KCP: variants seen among roughly 807,000 people sequenced by gnomAD.
KCP encodes kielin cysteine rich BMP regulator, also known as kielin/chordin-like protein.
Under a neutral mutation model 212.7 loss-of-function variants are expected in KCP, and 194 were observed. The ratio of observed to expected loss-of-function variants is 0.91; its 90% CI spans 0.81 to 1.03. KCP has a LOEUF of 1.03. Ranked by LOEUF, KCP falls within the 50% of genes least tolerant of loss-of-function variation. KCP has a pLI of 0.00. For synonymous variants in KCP, 833 were observed against 865.3 expected (o/e 0.96, Z 0.65); for missense variants, 2,080 against 2,162.5 (o/e 0.96, Z 0.76).
At chr7:128,878,495 C>T in intron 38 of KCP, 63 bp downstream of exon 38, 2 of 1,488,216 alleles carry the variant, frequency 1.3e-6, no homozygotes, top group South Asian at 1.3e-5. Flanking sequence ...CAGAGGGTTG[C>T]TCTGAGACTC....
intron 28 of KCP, 89 bp from the exon 29 acceptor site, chr7:128,884,211 G>T: frequency 6.9e-7 from 1 of 1,447,716 alleles, no homozygotes; most frequent in Non-Finnish European, 9.1e-7. Context: ...CCCTCTGCCT[G>T]CTGCAGCCTC....
intron 1 of KCP, among the ~76,000 whole-genome samples, chr7:128,909,760 C>T (rs1461575253): frequency 6.6e-6 from 1 of 152,172 alleles, no homozygotes; most frequent in Admixed American, 6.5e-5. Flanking sequence ...TTTCCAGCCC[C>T]GCTACTTCTG....
At chr7:128,884,564 G>A (rs1417536321) in intron 28 of KCP, among the ~76,000 whole-genome samples, 3 of 152,252 alleles carry the variant, frequency 2.0e-5, no homozygotes, top group South Asian at 2.1e-4. Flanking sequence ...GGCCACCTAC[G>A]GCCTCCTGCA....
rs373584216 is a variant in KCP at position 128,893,497 on chromosome 7, G to C, written c.1100-21C>G. The C allele has an allele frequency of 4.6e-6, 7 of 1,510,094 alleles. No homozygotes were observed. The South Asian group carries it at 4.8e-5, about 10-fold the overall frequency. The allele number at this position is 1,510,094 out of a possible 1,614,324, so 93.5% of individuals were successfully genotyped here. A position where few individuals can be genotyped will look rare whatever the true frequency, so the allele number is the denominator to read the frequency against. On this transcript the variant is annotated intron_variant, in intron 11 of 39. Transcript: ENST00000610776. ...ACAGCCTGGATGGGATGACAGGGGC[G>C]TGGGGGTATAGGGCTGGAGGCAGAG...
Position 128,889,920 on chromosome 7 carries a change from CTTTTTTTTTTT to C in KCP, c.2335+412_2335+422del, listed in dbSNP as rs35633844. 1.0e-2 allele frequency: 992 copies of C among 99,598 alleles called. 11 individuals carry two copies. Among genetic ancestry groups the C allele is most frequent in the South Asian group, 0.036 (117 of 3,288 alleles). The allele number at this position is 99,598 out of a possible 1,614,324, so 6.2% of individuals were successfully genotyped here. On this transcript the variant is annotated intron_variant, in intron 21 of 39. Transcript: ENST00000610776. Reference sequence around the variant, plus strand: ...AGAAGATCCAGGCTTTAGTGTCAGGCTTTTTTTTTTTTTTTTTTTTTTTTTTGAGACAAGGT... The same window carrying C: ...AGAAGATCCAGGCTTTAGTGTCAGGCTTTTTTTTTTTTTTTGAGACAAGGT...
rs1328660794 is a variant in KCP, at chr7:128,907,333, A to C, written c.340T>G (p.Cys114Gly). 1.3e-6 allele frequency: 2 copies of C among 1,543,076 alleles called. No homozygotes were observed. The highest frequency in any genetic ancestry group is 1.4e-5 in the African/African-American group (1 of 73,000). Residue 114 changes from cysteine (C) to glycine (G), a missense_variant, in exon 3 of 40, where the codon TGC becomes GGC. Physicochemically the swap from Cys to Gly is radical, Grantham distance 159. Coordinates refer to ENST00000610776, the MANE Select transcript of KCP (RefSeq NM_001366122.1). ...PEGARWEPDA[C>G]TACVCQDGAA... ...CCATCCTGGCAGACGCAGGCTGTGC[A>C]GGCGTCAGGCTCCCAGCGTGCCCCC...
intron 30 of KCP, 92 bp from the exon 31 acceptor site, chr7:128,881,817 G>A (rs1207166675): frequency 7.3e-7 from 1 of 1,378,468 alleles, no homozygotes; most frequent in Non-Finnish European, 1.0e-6. Context: ...GTCAGGACAA[G>A]TGGGCAAATG....
At chr7:128,888,280 T>TCA (rs1324831122) in intron 22 of KCP, among the ~76,000 whole-genome samples, 3 of 95,876 alleles carry the variant, frequency 3.1e-5, no homozygotes, top group East Asian at 3.4e-4. Context: ...ACATACACTG[T>TCA]CACACACACA....
rs369699350 is a variant in KCP, at chr7:128,892,537, C to T, written c.1598G>A (p.Gly533Asp). Residue 533 changes from glycine (G) to aspartate (D), a missense_variant, in exon 16 of 40, where the codon GGC becomes GAC. Physicochemically the swap from Gly to Asp is moderately conservative, Grantham distance 94. Transcript: ENST00000610776. Reference protein sequence around the residue: ...TTCARPQSGPGQCCPRCPDCI... With the variant: ...TTCARPQSGPDQCCPRCPDCI... ...ACCTGGGCACCTGGGGCAACACTGG[C>T]CTGGTCCACTCTGGGGCCTGGCACA... 5 of 1,543,684 alleles carry T rather than the reference C, an allele frequency of 3.2e-6. No individual in the cohort carries two copies. The highest frequency in any genetic ancestry group is 1.4e-5 in the African/African-American group (1 of 73,000).
chr7:128,904,105 CCCT>C lies in KCP; in HGVS notation c.602_604del (p.Glu201del). ...GTTGGAGCTGGACAGGAAGGTGACC[CCCT>C]CCTCATAAAGCTGCCCCTCATAATC... On this transcript the variant is annotated inframe_deletion, in exon 6 of 40. Coordinates refer to ENST00000610776, the MANE Select transcript of KCP (RefSeq NM_001366122.1). The C allele has an allele frequency of 1.9e-6, 3 of 1,551,636 alleles. No individual in the cohort carries two copies. Among genetic ancestry groups the C allele is most frequent in the Non-Finnish European group, 2.6e-6 (3 of 1,146,954 alleles).
intron 8 of KCP, among the ~76,000 whole-genome samples, chr7:128,897,249 C>T (rs1343433524): frequency 6.6e-6 from 1 of 152,186 alleles, no homozygotes; most frequent in Non-Finnish European, 1.5e-5. Flanking sequence ...TGCAAGACAG[C>T]CCAGCAAACT....
chr7:128,907,871 G>A (rs1427258878), intron 2 of KCP, among the ~76,000 whole-genome samples: 2 of 152,162 alleles, frequency 1.3e-5, no homozygotes, highest in East Asian at 1.9e-4. Flanking sequence ...GCTCACACCT[G>A]TAATCCCAGC....
At position 128,891,481 on chromosome 7, in the gene KCP, G is replaced by A. The variant is rs1315779322; in HGVS notation, c.1848C>T (p.Pro616=). ...AGCGACACAGACGGCAGGGGTCAGA[G>A]GGGTGGGGGAAGTCCGCTCCGCTGG... ...EYPSGADFPH[P]SDPCRLCRCL... The change falls in exon 18 of 40, where the codon CCC becomes CCT. Residue 616 remains proline, a synonymous_variant. Transcript: ENST00000610776. 6 of 1,550,438 alleles carry A rather than the reference G, an allele frequency of 3.9e-6. No homozygotes were observed. The East Asian group carries it at 7.3e-5, about 19-fold the overall frequency.
rs1412243560 is a variant in KCP at position 128,880,526 on chromosome 7, G to T, written c.3619C>A (p.Pro1207Thr). The part of the protein sequence containing the change: ...ADSCCERCQA[P>T]TQSCVHQGRE... ...CCCTGGTGCACGCAGGACTGGGTGG[G>T]AGCTGAAGGGATAGGAGCTGGGAGG... is the stretch of plus-strand genomic sequence containing the variant. The change falls in exon 34 of 40, where the codon CCC becomes ACC. Residue 1207 changes from proline to threonine, a missense_variant and splice_region_variant. Pro to Thr is a conservative substitution (Grantham distance 38). Coordinates refer to ENST00000610776, the MANE Select transcript of KCP (RefSeq NM_001366122.1). The T allele has an allele frequency of 3.4e-6, 5 of 1,480,142 alleles. No homozygotes were observed. The African/African-American group carries it at 5.6e-5, about 17-fold the overall frequency. 91.7% of individuals were successfully genotyped at this position (1,480,142 alleles called of 1,614,324 possible).
chr7:128,904,869 T>C (rs1228377473), intron 5 of KCP, among the ~76,000 whole-genome samples: 1 of 152,202 alleles, frequency 6.6e-6, no homozygotes, highest in African/African-American at 2.4e-5. Context: ...ATCAGCATGG[T>C]TCCATTATTT....
At chr7:128,905,796 A>C (rs1367622226) in intron 5 of KCP, among the ~76,000 whole-genome samples, 1 of 151,974 alleles carries the variant, frequency 6.6e-6, no homozygotes, top group Non-Finnish European at 1.5e-5. Flanking sequence ...CCTTGTGCCC[A>C]GAGGAACCTC....
rs1467647299 is a variant in KCP at position 128,877,444 on chromosome 7, C to G, written c.4618+40G>C. ...CTCCGGGCTGCCCTTCTTCTCTGTG[C>G]TGAGCCTCCCCCAACCTGCAGCGGG... On this transcript the variant is annotated intron_variant, in intron 39 of 39. Coordinates refer to ENST00000610776, the MANE Select transcript of KCP (RefSeq NM_001366122.1). 12 of 1,546,600 alleles carry G rather than the reference C, an allele frequency of 7.8e-6. 1 individual carries two copies. The highest frequency in any genetic ancestry group is 1.8e-4 in the Middle Eastern group (1 of 5,538).
chr7:128,898,338 G>A (rs900672236), intron 8 of KCP, among the ~76,000 whole-genome samples: 3 of 152,154 alleles, frequency 2.0e-5, no homozygotes. Flanking sequence ...TTACAGGTGT[G>A]AACCACAGCA....
Position 128,891,002 on chromosome 7 carries a change from G to A in KCP, c.2067C>T (p.Cys689=). The A allele has an allele frequency of 1.5e-6, 2 of 1,343,396 alleles. No homozygotes were observed. The highest frequency in any genetic ancestry group is 3.8e-5 in the South Asian group (2 of 52,016). 83.2% of individuals were successfully genotyped at this position (1,343,396 alleles called of 1,614,324 possible). ...FSPPGDPCRR[C]LCLDGSVSCQ... Reference sequence around the variant, plus strand: ...AGGACACGGAGCCGTCGAGGCAGAGGCAGCGGCGGCAGGGATCGCCGGGCG... The same window carrying A: ...AGGACACGGAGCCGTCGAGGCAGAGACAGCGGCGGCAGGGATCGCCGGGCG... The change falls in exon 20 of 40, where the codon TGC becomes TGT. Residue 689 remains cysteine, a synonymous_variant. Coordinates refer to ENST00000610776, the MANE Select transcript of KCP (RefSeq NM_001366122.1).
Sources: allele counts gnomAD v4.1 joint callset (sites outside exome capture counted in the v4.1 genomes callset), GRCh38; gene constraint gnomAD v4.1.1; transcripts MANE v1.5; gene names NCBI Gene and HGNC (gene_info 2026-07-23, HGNC 2026-07-21).